RAB38: variants seen among roughly 807,000 people sequenced by gnomAD.
The protein encoded by RAB38 is ras-related protein Rab-38.
Under a neutral mutation model 18.4 loss-of-function variants are expected in RAB38, and 15 were observed. The observed-to-expected ratio is 0.82, with a 90% CI of 0.55 to 1.26. RAB38 has a LOEUF of 1.26. Ranked by LOEUF, RAB38 falls within the 50% of genes most tolerant of loss-of-function variation. RAB38 has a pLI of 0.00. For synonymous variants in RAB38, 101 were observed against 104.4 expected (o/e 0.97, Z 0.20); for missense variants, 294 against 267.4 (o/e 1.10, Z -0.69).
the RAB38 span, among the ~76,000 whole-genome samples, chr11:87,953,499 ATATAACTGTGC>A: frequency 6.6e-6 from 1 of 152,208 alleles, no homozygotes; most frequent in East Asian, 1.9e-4. Context: ...CACCACAAAA[ATATAACTGTGC>A]TATAATAAAA....
the RAB38 span, among the ~76,000 whole-genome samples, chr11:87,831,507 G>A: frequency 3.9e-5 from 6 of 152,152 alleles, no homozygotes; most frequent in African/African-American, 9.7e-5. Flanking sequence ...TTCAAGTTGG[G>A]GCATGGCATT....
chr11:88,078,586 A>C, the RAB38 span, among the ~76,000 whole-genome samples: 1 of 151,916 alleles, frequency 6.6e-6, no homozygotes, highest in Admixed American at 6.6e-5. Context: ...CCTGGGTGGA[A>C]CTGGAGGTCA....
the RAB38 span, among the ~76,000 whole-genome samples, chr11:87,809,190 A>G: frequency 7.2e-3 from 1,102 of 152,300 alleles, 13 homozygotes; most frequent in African/African-American, 0.025. Flanking sequence ...TGGATAAAAC[A>G]ATGACAAAAT....
the RAB38 span, among the ~76,000 whole-genome samples, chr11:88,105,988 T>C: frequency 0.078 from 11,796 of 152,196 alleles, 821 homozygotes; most frequent in African/African-American, 0.18. Context: ...TTATAGCTTC[T>C]AACATTTATT....
At chr11:88,052,976 TTA>T in the RAB38 span, among the ~76,000 whole-genome samples, 2 of 122,130 alleles carry the variant, frequency 1.6e-5, no homozygotes, top group East Asian at 2.2e-4. Context: ...GATATATATG[TTA>T]TATATATGTT....
the RAB38 span, among the ~76,000 whole-genome samples, chr11:87,964,128 C>T: frequency 0.066 from 10,110 of 152,058 alleles, 478 homozygotes; most frequent in South Asian, 0.16. Flanking sequence ...CATATCAAAC[C>T]TCCCCAAATG....
the RAB38 span, among the ~76,000 whole-genome samples, chr11:88,095,299 C>T: frequency 1.3e-5 from 2 of 151,602 alleles, no homozygotes; most frequent in African/African-American, 4.8e-5. Context: ...CACATTTGTA[C>T]CTCCTCTCTT....
intron 2 of RAB38, among the ~76,000 whole-genome samples, chr11:88,122,964 C>A (rs575746116): frequency 6.6e-6 from 1 of 152,284 alleles, no homozygotes; most frequent in East Asian, 1.9e-4. Flanking sequence ...AAGTGAAAAG[C>A]CTGAGCCTCT....
the RAB38 span, among the ~76,000 whole-genome samples, chr11:88,059,066 TA>T: frequency 4.8e-4 from 73 of 152,320 alleles, no homozygotes; most frequent in Admixed American, 1.0e-3. Context: ...TAACTACTAT[TA>T]ATTCTGTGAC....
At chr11:88,114,696 G>A (rs1178516336) in intron 2 of RAB38, among the ~76,000 whole-genome samples, 1 of 152,180 alleles carries the variant, frequency 6.6e-6, no homozygotes, top group African/African-American at 2.4e-5. Flanking sequence ...GAAGTAATGT[G>A]TGTCACTTTC....
the RAB38 span, among the ~76,000 whole-genome samples, chr11:88,102,760 T>C: frequency 6.6e-6 from 1 of 151,998 alleles, no homozygotes; most frequent in East Asian, 1.9e-4. Context: ...AAACTTCCTC[T>C]CCAGCCTATG....
chr11:87,938,234 A>G, the RAB38 span, among the ~76,000 whole-genome samples: 1 of 152,064 alleles, frequency 6.6e-6, no homozygotes, highest in East Asian at 1.9e-4. Flanking sequence ...TCCTGACACT[A>G]TGGTGGGGGT....
At chr11:87,806,051 G>T in the RAB38 span, among the ~76,000 whole-genome samples, 1 of 152,164 alleles carries the variant, frequency 6.6e-6, no homozygotes, top group Admixed American at 6.5e-5. Context: ...ACTGGCTACT[G>T]TAGCCTAGTC....
chr11:88,038,430 T>G, the RAB38 span, among the ~76,000 whole-genome samples: 1 of 152,228 alleles, frequency 6.6e-6, no homozygotes, highest in African/African-American at 2.4e-5. Context: ...CTTATCATCA[T>G]TTATCAATTC....
the RAB38 span, among the ~76,000 whole-genome samples, chr11:87,920,133 G>C: frequency 2.0e-5 from 3 of 151,622 alleles, no homozygotes; most frequent in African/African-American, 7.3e-5. Flanking sequence ...TTTATAATCT[G>C]TATTTTATTT....
At chr11:88,136,278 A>C (rs1027155748) in intron 2 of RAB38, among the ~76,000 whole-genome samples, 1 of 152,114 alleles carries the variant, frequency 6.6e-6, no homozygotes, top group Non-Finnish European at 1.5e-5. Context: ...TCAAGAAATC[A>C]ATACCTCGGT....
the RAB38 span, among the ~76,000 whole-genome samples, chr11:88,006,425 G>T: frequency 6.6e-6 from 1 of 150,958 alleles, no homozygotes; most frequent in Non-Finnish European, 1.5e-5. Flanking sequence ...ATTACATTTG[G>T]GTATATATTC....
chr11:87,811,626 G>A, the RAB38 span, among the ~76,000 whole-genome samples: 1 of 152,078 alleles, frequency 6.6e-6, no homozygotes, highest in South Asian at 2.1e-4. Context: ...TCAGTTGTAC[G>A]GTGAACATTT....
the RAB38 span, among the ~76,000 whole-genome samples, chr11:87,816,825 T>G: frequency 1.8e-4 from 28 of 152,232 alleles, no homozygotes; most frequent in African/African-American, 6.3e-4. Context: ...AATGCAGATA[T>G]GGGTGACCCA....
Sources: allele counts gnomAD v4.1 joint callset (sites outside exome capture counted in the v4.1 genomes callset), GRCh38; gene constraint gnomAD v4.1.1; transcripts MANE v1.5; gene names NCBI Gene and HGNC (gene_info 2026-07-23, HGNC 2026-07-21).